Variants in ATRIP observed in about 807,000 individuals in gnomAD.
ATRIP encodes ATR interacting protein, also known as ATR-interacting protein.
A neutral mutation model predicts 78.1 loss-of-function variants in ATRIP; 44 were observed. That is an observed-to-expected ratio of 0.56 (90% CI 0.44 to 0.72). The LOEUF is 0.72. Among genes scored for constraint, ATRIP ranks in the 30% least tolerant of loss-of-function variants. The pLI is 0.00. For missense variants in ATRIP, 927 were observed against 980.2 expected, an observed-to-expected ratio of 0.95 and a Z score of 0.72; for synonymous variants, 388 against 408.9, an observed-to-expected ratio of 0.95 and a Z score of 0.62.
chr3:48,449,964 G>T, intron 1 of ATRIP, 73 bp from the exon 2 acceptor site: 2 of 1,463,602 alleles, frequency 1.4e-6, no homozygotes, highest in Non-Finnish European at 1.8e-6. Context: ...AAAAAAGTGG[G>T]TATTTTCAGC....
rs1470977164 is a variant in ATRIP, at chr3:48,446,923, C to G, written c.78C>G (p.Thr26=). Residue 26 remains threonine, a synonymous_variant, in exon 1 of 13, where the codon ACC becomes ACG. Transcript: ENST00000320211. ...CTCGCCCCGGCCCGCCGCCGGGCAC[C>G]GGGCACCCCCCGAGCAAGCGGGCCC... ...PAPRPGPPPG[T]GHPPSKRARG... is the part of the protein sequence containing the mutation. The G allele has an allele frequency of 1.3e-5, 19 of 1,415,592 alleles. No homozygotes were observed. The highest frequency in any genetic ancestry group is 1.7e-5 in the Non-Finnish European group (18 of 1,086,712). 87.7% of individuals were successfully genotyped at this position (1,415,592 alleles called of 1,614,324 possible).
At chr3:48,458,520 C>T (rs1050799141) in intron 5 of ATRIP, among the ~76,000 whole-genome samples, 5 of 152,080 alleles carry the variant, frequency 3.3e-5, no homozygotes, top group Non-Finnish European at 5.9e-5. Context: ...ACAGGTTTCA[C>T]CATGTTGGCC....
intron 8 of ATRIP, among the ~76,000 whole-genome samples, chr3:48,461,693 GTTTA>G (rs1442297716): frequency 2.6e-5 from 4 of 151,910 alleles, no homozygotes; most frequent in African/African-American, 7.3e-5. Context: ...TTTTGTTGTT[GTTTA>G]TTTGTTTGTT....
At chr3:48,462,795 G>A (rs1042949198) in intron 8 of ATRIP, among the ~76,000 whole-genome samples, 6 of 152,188 alleles carry the variant, frequency 3.9e-5, no homozygotes, top group Non-Finnish European at 7.3e-5. Flanking sequence ...CCTTCTGCAA[G>A]TGGCAGATAT....
chr3:48,453,036 C>T (rs758049031), intron 3 of ATRIP, among the ~76,000 whole-genome samples: 1 of 151,952 alleles, frequency 6.6e-6, no homozygotes, highest in Admixed American at 6.5e-5. Context: ...AGGCACACAC[C>T]ACCAGGCAAA....
Position 48,466,176 on chromosome 3 carries a change from G to T in ATRIP, c.*622G>T. ...AGAGGGACAGACCAGGCAGGCTGAC[G>T]AGCAGGGCGGGCCTGGCTCACGTGG... On this transcript the variant is annotated 3_prime_UTR_variant, in exon 13 of 13. Coordinates refer to ENST00000320211, the MANE Select transcript of ATRIP (RefSeq NM_130384.3). The T allele has an allele frequency of 2.0e-6, 1 of 508,508 alleles. No individual in the cohort carries two copies. The highest frequency in any genetic ancestry group is 3.6e-6 in the Non-Finnish European group (1 of 277,006). 31.5% of individuals were successfully genotyped at this position (508,508 alleles called of 1,614,324 possible).
In ATRIP at chr3:48,466,304, G is replaced by A. The variant is rs995254335; in HGVS notation, c.*750G>A. On this transcript the variant is annotated 3_prime_UTR_variant, in exon 13 of 13. Transcript: ENST00000320211. ...GTCACTACTGCCTGCCTGCCTGCCTGCTACGGTGAGTGTGGCCCCCACAAT... is the reference window on the plus strand; with the variant it reads ...GTCACTACTGCCTGCCTGCCTGCCTACTACGGTGAGTGTGGCCCCCACAAT... 2.7e-6 allele frequency: 2 copies of A among 737,774 alleles called. No individual in the cohort carries two copies. Among genetic ancestry groups the A allele is most frequent in the Admixed American group, 2.2e-5 (1 of 45,740 alleles). 45.7% of individuals were successfully genotyped at this position (737,774 alleles called of 1,614,324 possible).
chr3:48,466,267 G>C lies in ATRIP; in HGVS notation c.*713G>C. On this transcript the variant is annotated 3_prime_UTR_variant, in exon 13 of 13. Transcript: ENST00000320211. ...TGCTGCCAGCGAGAGCCGCGGGAGA[G>C]TGTGCAGCCGAGTCACTACTGCCTG... 1 of 627,656 alleles carries C rather than the reference G, an allele frequency of 1.6e-6. No homozygotes were observed. Among genetic ancestry groups the C allele is most frequent in the East Asian group, 2.8e-5 (1 of 36,216 alleles). The allele number at this position is 627,656 out of a possible 1,614,324, so 38.9% of individuals were successfully genotyped here.
Position 48,463,847 on chromosome 3 carries a change from C to T in ATRIP, c.1848C>T (p.His616=), listed in dbSNP as rs1335635117. The change falls in exon 9 of 13, where the codon CAC becomes CAT. Residue 616 remains histidine (H), a synonymous_variant. Transcript: ENST00000320211. ...AVELLSLLAD[H]DQLAPQLCSH... ...AGCTCCTCTCCCTGCTGGCGGACCA[C>T]GACCAGCTGGCACCTCAGCTCTGTT... 1.2e-5 allele frequency: 19 copies of T among 1,614,002 alleles called. No homozygotes were observed. The highest frequency in any genetic ancestry group is 2.7e-5 in the African/African-American group (2 of 74,896).
intron 8 of ATRIP, 77 bp from the exon 9 acceptor site, chr3:48,463,668 C>A (rs1270986712): frequency 2.5e-6 from 4 of 1,577,116 alleles, no homozygotes; most frequent in Non-Finnish European, 3.5e-6. Flanking sequence ...TTTTCTGTTA[C>A]CTCTAGTGGA....
At chr3:48,456,443 A>G (rs1575279276) in intron 4 of ATRIP, among the ~76,000 whole-genome samples, 1 of 152,116 alleles carries the variant, frequency 6.6e-6, no homozygotes, top group Non-Finnish European at 1.5e-5. Context: ...GAAAGAATAA[A>G]AAGTTAGCCA....
chr3:48,464,851 G>T lies in ATRIP; in HGVS notation c.2076G>T (p.Val692=). 6.2e-7 allele frequency: 1 copy of T among 1,612,748 alleles called. No homozygotes were observed. Among genetic ancestry groups the T allele is most frequent in the Middle Eastern group, 1.7e-4 (1 of 6,060 alleles). The part of the protein sequence containing the change: ...CNVEVVRALT[V]MLHRQWLTVR... Reference sequence around the variant, plus strand: ...CTCAGGTGGTCAGAGCGCTCACGGTGATGTTGCACAGACAGTGGCTGACAG... The same window carrying T: ...CTCAGGTGGTCAGAGCGCTCACGGTTATGTTGCACAGACAGTGGCTGACAG... The change falls in exon 12 of 13, where the codon GTG becomes GTT. Residue 692 remains valine (V), a synonymous_variant. Transcript: ENST00000320211.
At chr3:48,460,850 T>G in intron 8 of ATRIP, 51 bp downstream of exon 8, 1 of 1,495,554 alleles carries the variant, frequency 6.7e-7, no homozygotes, top group Non-Finnish European at 9.1e-7. Flanking sequence ...ACCTGACCTC[T>G]TAAGGTCTAA....
Position 48,464,675 on chromosome 3 carries a change from G to A in ATRIP, c.2055+13G>A. The A allele has an allele frequency of 6.2e-7, 1 of 1,614,096 alleles. No individual in the cohort carries two copies. Among genetic ancestry groups the A allele is most frequent in the Non-Finnish European group, 8.5e-7 (1 of 1,180,006 alleles). On this transcript the variant is annotated intron_variant, in intron 11 of 12. Transcript: ENST00000320211. Reference sequence around the variant, plus strand: ...GTGTAATGTGGAGGTGAGTGGGTAGGGGCCAACAGCTGGCAGCTCTGGTGG... The same window carrying A: ...GTGTAATGTGGAGGTGAGTGGGTAGAGGCCAACAGCTGGCAGCTCTGGTGG...
chr3:48,447,023 C>T lies in ATRIP; in HGVS notation c.178C>T (p.Leu60=). ...GAHGDFTADD[L]EELDTLASQA... is the part of the protein sequence containing the mutation. ...GCATGGGGACTTCACTGCCGACGACCTGGAGGAGCTTGACACCCTCGCGTC... is the reference window on the plus strand; with the variant it reads ...GCATGGGGACTTCACTGCCGACGACTTGGAGGAGCTTGACACCCTCGCGTC... Residue 60 remains leucine, a synonymous_variant, in exon 1 of 13, where the codon CTG becomes TTG. Coordinates refer to ENST00000320211, the MANE Select transcript of ATRIP (RefSeq NM_130384.3). The T allele has an allele frequency of 2.5e-6, 4 of 1,573,340 alleles. No individual in the cohort carries two copies. The highest frequency in any genetic ancestry group is 2.8e-5 in the African/African-American group (2 of 71,494).
intron 8 of ATRIP, among the ~76,000 whole-genome samples, chr3:48,461,744 G>C (rs1158757111): frequency 6.6e-6 from 1 of 152,012 alleles, no homozygotes; most frequent in Non-Finnish European, 1.5e-5. Flanking sequence ...TGCTCTTGTT[G>C]TCCAAGCTGG....
At chr3:48,450,843 A>G (rs185809694) in intron 2 of ATRIP, among the ~76,000 whole-genome samples, 45 of 150,964 alleles carry the variant, frequency 3.0e-4, no homozygotes, top group African/African-American at 1.1e-3. Context: ...TGTTGGGATT[A>G]CAGGCATGAG....
At position 48,446,743 on chromosome 3, in the gene ATRIP, GGC is replaced by G. The variant is rs1245351985; in HGVS notation, c.-101_-100del. 6.9e-6 allele frequency: 9 copies of G among 1,304,170 alleles called. No homozygotes were observed. The highest frequency in any genetic ancestry group is 8.8e-6 in the Non-Finnish European group (9 of 1,021,732). 80.8% of individuals were successfully genotyped at this position (1,304,170 alleles called of 1,614,324 possible). A position where few individuals can be genotyped will look rare whatever the true frequency, so the allele number is the denominator to read the frequency against. On this transcript the variant is annotated 5_prime_UTR_variant, in exon 1 of 13. Transcript: ENST00000320211. ...CCTGGGCCAGGGGCGGGGCACTCGC[GGC>G]GGAGGCAAGCGGCGGCGCGCGGACG...
In ATRIP at chr3:48,457,313, T is replaced by C; in HGVS notation, c.726T>C (p.Phe242=). The C allele has an allele frequency of 1.2e-6, 2 of 1,606,976 alleles. No homozygotes were observed. Among genetic ancestry groups the C allele is most frequent in the Non-Finnish European group, 1.7e-6 (2 of 1,177,078 alleles). ...AGCCAGAAGCATGTTCTCCACAATT[T>C]GGAAAAACATCTTTTCCTACAAAGG... is the stretch of plus-strand genomic sequence containing the variant. The part of the protein sequence containing the change: ...VIKPEACSPQ[F]GKTSFPTKES... The change falls in exon 5 of 13, where the codon TTT becomes TTC. Residue 242 remains phenylalanine, a synonymous_variant. Transcript: ENST00000320211.
Sources: allele counts gnomAD v4.1 joint callset (sites outside exome capture counted in the v4.1 genomes callset), GRCh38; gene constraint gnomAD v4.1.1; transcripts MANE v1.5; gene names NCBI Gene and HGNC (gene_info 2026-07-23, HGNC 2026-07-21).